Variants in TMEM163 observed in about 807,000 individuals in gnomAD.
TMEM163 encodes the protein transmembrane protein 163.
Under a neutral mutation model 29.3 loss-of-function variants are expected in TMEM163, and 17 were observed. The ratio of observed to expected loss-of-function variants is 0.58; its 90% confidence interval spans 0.40 to 0.87. TMEM163 has a LOEUF of 0.87. Among genes scored for constraint, TMEM163 ranks in the 40% least tolerant of loss-of-function variants. TMEM163 has a pLI of 0.00. For missense variants in TMEM163, 303 were observed against 381.5 expected (o/e 0.79, Z 1.71); for synonymous variants, 157 against 160.6 (o/e 0.98, Z 0.17).
intron 5 of TMEM163, among the ~76,000 whole-genome samples, chr2:134,478,753 A>G (rs1479962199): frequency 6.6e-6 from 1 of 152,134 alleles, no homozygotes; most frequent in Non-Finnish European, 1.5e-5. Context: ...CTTGCTAGAG[A>G]GATTAGCAGG....
intron 4 of TMEM163, among the ~76,000 whole-genome samples, chr2:134,515,072 G>A (rs1036320852): frequency 2.6e-5 from 4 of 152,190 alleles, no homozygotes; most frequent in African/African-American, 9.7e-5. Flanking sequence ...CGCATCTTAT[G>A]GCAGTGGCAG....
intron 4 of TMEM163, among the ~76,000 whole-genome samples, chr2:134,535,173 A>G (rs1339341009): frequency 6.6e-6 from 1 of 152,192 alleles, no homozygotes; most frequent in Admixed American, 6.5e-5. Flanking sequence ...GAGAATTTGA[A>G]CTTGGATTTT....
rs551542911 is a variant in TMEM163, at chr2:134,662,966, C to G, written c.322+50234G>C. Among the ~76,000 whole-genome samples, 3 of 152,306 alleles carry G rather than the reference C, an allele frequency of 2.0e-5. No homozygotes were observed. In the South Asian group the frequency reaches 6.2e-4, roughly 32 times the overall value. ...CCCCACCAGTTCCCACCAGCCACAG[C>G]TAAAAGCATGGCTGGGATCAGGCCC... On this transcript the variant is annotated intron_variant, in intron 2 of 7. Transcript: ENST00000281924.
At chr2:134,508,430 T>C (rs1679874789) in intron 4 of TMEM163, among the ~76,000 whole-genome samples, 1 of 152,242 alleles carries the variant, frequency 6.6e-6, no homozygotes, top group African/African-American at 2.4e-5. Context: ...TGTGAGCATA[T>C]AACACGGTAC....
At chr2:134,635,189 T>TTG (rs1266817469) in intron 2 of TMEM163, among the ~76,000 whole-genome samples, 1 of 152,160 alleles carries the variant, frequency 6.6e-6, no homozygotes, top group Admixed American at 6.5e-5. Flanking sequence ...ATTGAGACAA[T>TTG]TACAGTCTCT....
chr2:134,623,950 T>G (rs1442270214), intron 2 of TMEM163, among the ~76,000 whole-genome samples: 7 of 152,166 alleles, frequency 4.6e-5, no homozygotes, highest in Admixed American at 3.9e-4. Flanking sequence ...CCATGTAAGA[T>G]CATTGATGAG....
At chr2:134,599,441 T>C (rs1682173646) in intron 2 of TMEM163, among the ~76,000 whole-genome samples, 1 of 151,904 alleles carries the variant, frequency 6.6e-6, no homozygotes, top group Non-Finnish European at 1.5e-5. Flanking sequence ...TGCCCAGAGG[T>C]CTCTCATGCT....
chr2:134,703,793 ATGGGGG>A (rs1684750753), intron 2 of TMEM163, among the ~76,000 whole-genome samples: 1 of 150,910 alleles, frequency 6.6e-6, no homozygotes, highest in African/African-American at 2.4e-5. Context: ...GGGATGGAGA[ATGGGGG>A]CTGCTGTCAT....
intron 4 of TMEM163, among the ~76,000 whole-genome samples, chr2:134,526,889 T>C (rs1488568290): frequency 2.0e-5 from 3 of 152,182 alleles, no homozygotes; most frequent in Non-Finnish European, 4.4e-5. Flanking sequence ...AAGTGTTCAC[T>C]AAGAAAACCT....
chr2:134,629,897 G>T (rs187510282), intron 2 of TMEM163, among the ~76,000 whole-genome samples: 171 of 152,266 alleles, frequency 1.1e-3, no homozygotes, highest in African/African-American at 3.8e-3. Flanking sequence ...TGTTGGTCAG[G>T]TATTCCAAAT....
intron 4 of TMEM163, among the ~76,000 whole-genome samples, 190 bp downstream of exon 4, chr2:134,550,380 C>A (rs1680886867): frequency 6.6e-6 from 1 of 152,136 alleles, no homozygotes. Flanking sequence ...GGTACATCCT[C>A]TCTCTCTGAC....
intron 5 of TMEM163, among the ~76,000 whole-genome samples, chr2:134,479,845 C>G (rs1174533811): frequency 5.9e-5 from 9 of 152,238 alleles, no homozygotes; most frequent in Non-Finnish European, 1.2e-4. Context: ...GCTTCCACTT[C>G]TCTCAGCCAG....
chr2:134,583,388 C>T (rs758981465), intron 2 of TMEM163, among the ~76,000 whole-genome samples: 7 of 152,110 alleles, frequency 4.6e-5, no homozygotes, highest in African/African-American at 1.4e-4. Flanking sequence ...ACCTTCTGGG[C>T]GCTTTGTATT....
intron 4 of TMEM163, among the ~76,000 whole-genome samples, chr2:134,525,769 C>A (rs998963332): frequency 2.0e-5 from 3 of 152,212 alleles, no homozygotes; most frequent in African/African-American, 7.2e-5. Flanking sequence ...CAGACAGCCT[C>A]AGAAGCCTGC....
intron 2 of TMEM163, among the ~76,000 whole-genome samples, chr2:134,704,468 A>C (rs1684764120): frequency 1.3e-5 from 2 of 152,146 alleles, no homozygotes; most frequent in African/African-American, 2.4e-5. Context: ...CTCAGCTTCC[A>C]GGTCCGTGTG....
chr2:134,713,462 C>A, intron 1 of TMEM163, 143 bp from the exon 2 acceptor site: 2 of 1,196,704 alleles, frequency 1.7e-6, no homozygotes, highest in South Asian at 1.3e-5. Context: ...TGTGTTTTAA[C>A]AATTAGATTT....
chr2:134,539,248 C>A (rs995430258), intron 4 of TMEM163, among the ~76,000 whole-genome samples: 5 of 152,148 alleles, frequency 3.3e-5, no homozygotes, highest in Admixed American at 6.5e-5. Flanking sequence ...GCTGGTAAAA[C>A]CCACACTGAC....
chr2:134,680,249 TATTTTCATGAA>T, intron 2 of TMEM163, among the ~76,000 whole-genome samples: 1 of 152,366 alleles, frequency 6.6e-6, no homozygotes, highest in Non-Finnish European at 1.5e-5. Context: ...AATTAATTAC[TATTTTCATGAA>T]ATTTTCATTT....
intron 2 of TMEM163, among the ~76,000 whole-genome samples, chr2:134,674,509 G>A (rs778683606): frequency 1.3e-4 from 4 of 30,224 alleles, no homozygotes; most frequent in East Asian, 6.6e-4. Flanking sequence ...GCGCGCGCGC[G>A]CTACCATATC....
Sources: allele counts gnomAD v4.1 joint callset (sites outside exome capture counted in the v4.1 genomes callset), GRCh38; gene constraint gnomAD v4.1.1; transcripts MANE v1.5; gene names NCBI Gene and HGNC (gene_info 2026-07-23, HGNC 2026-07-21).